Variants in GCA observed in about 807,000 individuals in gnomAD.
GCA encodes grancalcin, EF-hand calcium-binding protein.
In GCA, 30 loss-of-function variants were observed where a neutral mutation model predicts 32.6. That is an observed-to-expected ratio of 0.92 (90% CI 0.69 to 1.25). GCA has a LOEUF of 1.25. GCA is among the 50% of genes most tolerant of loss of function. GCA has a pLI of 0.00. For synonymous variants in GCA, 102 were observed against 84.6 expected (o/e 1.21, Z -1.13); for missense variants, 291 against 266.8 (o/e 1.09, Z -0.63).
chr2:162,373,985 T>A (rs1314407913), downstream of GCA, among the ~76,000 whole-genome samples: 1 of 152,202 alleles, frequency 6.6e-6, no homozygotes, highest in Non-Finnish European at 1.5e-5. Flanking sequence ...TCAGTAATTG[T>A]CTTTGCTTTT....
chr2:162,327,805 T>C (rs896324394), intron 1 of GCA, among the ~76,000 whole-genome samples: 1 of 152,232 alleles, frequency 6.6e-6, no homozygotes, highest in Admixed American at 6.5e-5. Flanking sequence ...TTAGTAACAT[T>C]GACGCAGCCT....
At chr2:162,374,042 A>C (rs200166610), downstream of GCA, among the ~76,000 whole-genome samples, 1 of 152,182 alleles carries the variant, frequency 6.6e-6, no homozygotes, top group Non-Finnish European at 1.5e-5. Context: ...TTTGCTCTTA[A>C]AAAATAGATT....
At chr2:162,325,022 T>C (rs1188337338) in intron 1 of GCA, among the ~76,000 whole-genome samples, 1 of 151,118 alleles carries the variant, frequency 6.6e-6, no homozygotes, top group African/African-American at 2.4e-5. Flanking sequence ...TTCTATAAGG[T>C]TAAGTATGCA....
intron 4 of GCA, among the ~76,000 whole-genome samples, chr2:162,370,718 C>T (rs891194328): frequency 6.6e-6 from 1 of 152,068 alleles, no homozygotes; most frequent in Non-Finnish European, 1.5e-5. Flanking sequence ...CTAGTTTTGC[C>T]ATGCAAATCC....
intron 1 of GCA, among the ~76,000 whole-genome samples, chr2:162,322,541 A>G (rs979620830): frequency 2.1e-5 from 3 of 144,122 alleles, no homozygotes; most frequent in Non-Finnish European, 4.5e-5. Context: ...ATATCTACCA[A>G]TGCTATCCCT....
Position 162,360,972 on chromosome 2 carries a change from A to G in GCA, c.*729A>G. 1 of 1,117,822 alleles carries G rather than the reference A, an allele frequency of 8.9e-7. No individual in the cohort carries two copies. Among genetic ancestry groups the G allele is most frequent in the Non-Finnish European group, 1.1e-6 (1 of 911,370 alleles). The allele number at this position is 1,117,822 out of a possible 1,614,324, so 69.2% of individuals were successfully genotyped here. A position where few individuals can be genotyped will look rare whatever the true frequency, so the allele number is the denominator to read the frequency against. ...TTAGTGAAGACATAGTTCACCTAAA[A>G]TGGCATCCTGCTCTGAATCTAGACT... On this transcript the variant is annotated 3_prime_UTR_variant, in exon 8 of 8. Coordinates refer to ENST00000437150, the MANE Select transcript of GCA (RefSeq NM_012198.5).
intron 1 of GCA, among the ~76,000 whole-genome samples, chr2:162,321,954 T>A (rs1008746997): frequency 1.5e-5 from 2 of 136,632 alleles, no homozygotes; most frequent in Non-Finnish European, 3.1e-5. Flanking sequence ...ATATAAACAC[T>A]ATATAATAGC....
chr2:162,356,855 G>A lies in GCA; in HGVS notation c.404G>A (p.Gly135Glu). Reference protein sequence around the residue: ...KENFMTVDQDGSGTVEHHELR... With the variant: ...KENFMTVDQDESGTVEHHELR... ...AACTTCATGACTGTTGATCAAGATG[G>A]AAGTGGCACAGTAGAACATCATGAG... The change falls in exon 5 of 8, where the codon GGA becomes GAA. Residue 135 changes from glycine (G) to glutamate (E), a missense_variant. Physicochemically the swap from Gly to Glu is moderately conservative, Grantham distance 98. Transcript: ENST00000437150. 1 of 1,610,352 alleles carries A rather than the reference G, an allele frequency of 6.2e-7. No individual in the cohort carries two copies. Among genetic ancestry groups the A allele is most frequent in the African/African-American group, 1.3e-5 (1 of 74,932 alleles).
In GCA at chr2:162,324,840, G is replaced by T. The variant is rs575904733; in HGVS notation, c.-31+5615G>T. Among the ~76,000 whole-genome samples, 6 of 152,260 alleles carry T rather than the reference G, an allele frequency of 3.9e-5. No individual in the cohort carries two copies. In the South Asian group the frequency reaches 8.3e-4, roughly 21 times the overall value. On this transcript the variant is annotated intron_variant, in intron 1 of 4. Coordinates refer to the GCA transcript ENST00000429691. ...TGCTGTTAGAATATGGACGATGACC[G>T]GTTTTAACTGCTTCCTGCTGACAGG...
Position 162,360,764 on chromosome 2 carries a change from T to C in GCA, c.*521T>C, listed in dbSNP as rs1576302878. 7.4e-7 allele frequency: 1 copy of C among 1,359,164 alleles called. No individual in the cohort carries two copies. Among genetic ancestry groups the C allele is most frequent in the Non-Finnish European group, 9.4e-7 (1 of 1,062,384 alleles). The allele number at this position is 1,359,164 out of a possible 1,614,324, so 84.2% of individuals were successfully genotyped here. On this transcript the variant is annotated 3_prime_UTR_variant, in exon 8 of 8. Transcript: ENST00000437150. ...TAATCAGAGAAAAGAAACTTAAAGA[T>C]CTTTGTCTGTGAAGAAGAAAATTAT...
intron 1 of GCA, among the ~76,000 whole-genome samples, chr2:162,328,338 G>GC (rs111551802): frequency 0.12 from 18,008 of 152,042 alleles, 2,461 homozygotes; most frequent in African/African-American, 0.3. Flanking sequence ...GTTGTAGTGA[G>GC]CAAGATTGTG....
intron 1 of GCA, among the ~76,000 whole-genome samples, chr2:162,328,503 C>T (rs1037504225): frequency 2.0e-5 from 3 of 152,144 alleles, no homozygotes; most frequent in African/African-American, 4.8e-5. Context: ...TCTAAGATCC[C>T]GGGTGAGCCC....
intron 2 of GCA, among the ~76,000 whole-genome samples, chr2:162,351,910 G>A (rs914147306): frequency 6.6e-6 from 1 of 151,998 alleles, no homozygotes; most frequent in African/African-American, 2.4e-5. Context: ...GGGTAATGGT[G>A]GGGGAAAATA....
chr2:162,367,876 T>C (rs1329768351), downstream of GCA, among the ~76,000 whole-genome samples: 18 of 151,972 alleles, frequency 1.2e-4, no homozygotes, highest in Admixed American at 1.1e-3. Context: ...ACAGATACCA[T>C]TGCCTTATTT....
intron 4 of GCA, chr2:162,371,264 T>C (rs935150748): frequency 2.8e-6 from 3 of 1,064,112 alleles, no homozygotes; most frequent in Non-Finnish European, 3.8e-6. Flanking sequence ...CTTCCTATAC[T>C]GTCAGAGGTT....
At chr2:162,367,447 G>C (rs1685788222), downstream of GCA, among the ~76,000 whole-genome samples, 2 of 151,932 alleles carry the variant, frequency 1.3e-5, no homozygotes, top group African/African-American at 4.8e-5. Context: ...TCCACAGTGA[G>C]CCAGCCTTTA....
At chr2:162,338,060 G>A (rs1332698615) in intron 1 of GCA, among the ~76,000 whole-genome samples, 3 of 152,106 alleles carry the variant, frequency 2.0e-5, no homozygotes, top group South Asian at 2.1e-4. Flanking sequence ...TTATTACTAC[G>A]TTTCCTCTGA....
chr2:162,322,904 G>C (rs1683735465), intron 1 of GCA, among the ~76,000 whole-genome samples: 1 of 151,814 alleles, frequency 6.6e-6, no homozygotes, highest in Admixed American at 6.5e-5. Flanking sequence ...AAGATTTATA[G>C]TCCTTTGAGT....
chr2:162,323,021 C>G (rs574090898), intron 1 of GCA, among the ~76,000 whole-genome samples: 1 of 151,872 alleles, frequency 6.6e-6, no homozygotes, highest in African/African-American at 2.4e-5. Context: ...TACAGTCCCA[C>G]CAACAGTGCA....
Sources: allele counts gnomAD v4.1 joint callset (sites outside exome capture counted in the v4.1 genomes callset), GRCh38; gene constraint gnomAD v4.1.1; transcripts MANE v1.5; gene names NCBI Gene and HGNC (gene_info 2026-07-23, HGNC 2026-07-21).